CCDC141: variants seen among roughly 807,000 people sequenced by gnomAD.
CCDC141 encodes coiled-coil domain-containing protein 141.
A neutral mutation model predicts 181.0 loss-of-function variants in CCDC141; 168 were observed. That is an observed-to-expected ratio of 0.93 (90% CI 0.82 to 1.05). The LOEUF is 1.05. CCDC141 is among the 50% of genes least tolerant of loss of function. The pLI, the probability that CCDC141 is intolerant of heterozygous loss-of-function variation, is 0.00. For missense variants in CCDC141, 1,902 were observed against 1,788.5 expected (o/e 1.06, Z -1.14); for synonymous variants, 666 against 642.3 (o/e 1.04, Z -0.56).
chr2:179,002,495 T>TA (rs1262102832), intron 2 of CCDC141: 11 of 408,314 alleles, frequency 2.7e-5, no homozygotes, highest in East Asian at 8.3e-5. Flanking sequence ...TCAATCTCTC[T>TA]AAAAAAAGAT....
chr2:178,914,771 A>G (rs1228014737), intron 7 of CCDC141, among the ~76,000 whole-genome samples: 1 of 152,224 alleles, frequency 6.6e-6, no homozygotes, highest in African/African-American at 2.4e-5. Flanking sequence ...GTGAATATCT[A>G]AAGAGAAGGG....
intron 11 of CCDC141, among the ~76,000 whole-genome samples, chr2:178,884,016 G>A (rs937370195): frequency 1.7e-4 from 26 of 151,958 alleles, no homozygotes; most frequent in African/African-American, 6.0e-4. Flanking sequence ...TAACTGCTAA[G>A]GTATTCAAAA....
intron 22 of CCDC141, among the ~76,000 whole-genome samples, chr2:178,844,687 G>A (rs1036017115): frequency 6.6e-6 from 1 of 152,212 alleles, no homozygotes; most frequent in African/African-American, 2.4e-5. Context: ...TAAGAAAGCT[G>A]AAAGAACCAT....
chr2:178,865,047 C>T (rs1685784038), intron 17 of CCDC141, among the ~76,000 whole-genome samples: 1 of 152,152 alleles, frequency 6.6e-6, no homozygotes, highest in Non-Finnish European at 1.5e-5. Context: ...CAATGGAAAG[C>T]TTAGCTAGGA....
At chr2:178,934,099 A>AT (rs11301160) in intron 6 of CCDC141, among the ~76,000 whole-genome samples, 3 of 151,634 alleles carry the variant, frequency 2.0e-5, no homozygotes, top group African/African-American at 7.3e-5. Context: ...AGACATCAGT[A>AT]TTTTTTTCAA....
chr2:178,969,139 C>CCAGA (rs1559015415), intron 4 of CCDC141, among the ~76,000 whole-genome samples: 1 of 140,342 alleles, frequency 7.1e-6, no homozygotes, highest in African/African-American at 2.7e-5. Flanking sequence ...AAGCCCAGGA[C>CCAGA]CAGACGGATT....
chr2:178,874,146 G>A (rs945991644), intron 12 of CCDC141: 4 of 152,144 alleles, frequency 2.6e-5, no homozygotes, highest in African/African-American at 9.7e-5. Context: ...CAACAATAAT[G>A]TTTGTTTAAA....
intron 2 of CCDC141, among the ~76,000 whole-genome samples, chr2:178,999,032 G>A (rs1486117327): frequency 6.6e-6 from 1 of 152,200 alleles, no homozygotes; most frequent in Non-Finnish European, 1.5e-5. Flanking sequence ...GAATGGTGGA[G>A]AAAGTGTAGC....
chr2:178,852,592 A>C (rs1685210183), intron 20 of CCDC141, among the ~76,000 whole-genome samples: 1 of 152,222 alleles, frequency 6.6e-6, no homozygotes, highest in Non-Finnish European at 1.5e-5. Flanking sequence ...TATACTACAA[A>C]ATTTATGGCT....
At chr2:178,824,463 A>G in the CCDC141 span, among the ~76,000 whole-genome samples, 1 of 151,916 alleles carries the variant, frequency 6.6e-6, no homozygotes, top group Non-Finnish European at 1.5e-5. Context: ...TCTCTATTAA[A>G]AGCACAAAAA....
chr2:178,930,290 C>T (rs1689052977), intron 6 of CCDC141, among the ~76,000 whole-genome samples: 1 of 151,930 alleles, frequency 6.6e-6, no homozygotes, highest in African/African-American at 2.4e-5. Flanking sequence ...AATTACAAAA[C>T]ATTGTTAAAA....
At chr2:178,884,749 T>C (rs12991329) in intron 11 of CCDC141, among the ~76,000 whole-genome samples, 152 bp downstream of exon 11, 1 of 152,148 alleles carries the variant, frequency 6.6e-6, no homozygotes, top group Non-Finnish European at 1.5e-5. Context: ...AATCACTCTT[T>C]GGTTTACAAG....
chr2:179,042,301 C>T (rs1575383183), intron 2 of CCDC141, among the ~76,000 whole-genome samples: 1 of 152,010 alleles, frequency 6.6e-6, no homozygotes, highest in Non-Finnish European at 1.5e-5. Flanking sequence ...AACAATGTGC[C>T]CCAGGATGAC....
chr2:178,896,525 T>C (rs1687416249), intron 8 of CCDC141, among the ~76,000 whole-genome samples: 1 of 152,204 alleles, frequency 6.6e-6, no homozygotes, highest in African/African-American at 2.4e-5. Context: ...AGAAAAACTT[T>C]GCAGAGAAGT....
At chr2:178,941,849 G>A (rs75209341) in intron 6 of CCDC141, among the ~76,000 whole-genome samples, 3,528 of 150,396 alleles carry the variant, frequency 0.023, 101 homozygotes, top group East Asian at 0.13. Flanking sequence ...AGTCCCAGGT[G>A]CTCGGGAGGC....
chr2:178,968,728 A>G (rs959212845), intron 4 of CCDC141, among the ~76,000 whole-genome samples: 4 of 152,172 alleles, frequency 2.6e-5, no homozygotes, highest in Non-Finnish European at 4.4e-5. Flanking sequence ...GACAAGAAAT[A>G]ACTAAGATCA....
chr2:178,963,775 T>C (rs142635689), intron 4 of CCDC141, among the ~76,000 whole-genome samples: 4 of 152,202 alleles, frequency 2.6e-5, no homozygotes, highest in African/African-American at 7.2e-5. Flanking sequence ...CCTAGATCAG[T>C]CCTGTAAAAT....
At chr2:179,039,573 T>C (rs991636410) in intron 2 of CCDC141, among the ~76,000 whole-genome samples, 2 of 152,188 alleles carry the variant, frequency 1.3e-5, no homozygotes, top group Non-Finnish European at 2.9e-5. Flanking sequence ...ACTTAAGTGT[T>C]GTGCCCAAAT....
intron 2 of CCDC141, among the ~76,000 whole-genome samples, chr2:178,995,531 G>C (rs1692249542): frequency 6.6e-6 from 1 of 152,140 alleles, no homozygotes; most frequent in Non-Finnish European, 1.5e-5. Flanking sequence ...CACATGTAAA[G>C]TCCTTTATTG....
Sources: allele counts gnomAD v4.1 joint callset (sites outside exome capture counted in the v4.1 genomes callset), GRCh38; gene constraint gnomAD v4.1.1; transcripts MANE v1.5; gene names NCBI Gene and HGNC (gene_info 2026-07-23, HGNC 2026-07-21).